Variants in TMC1 observed in about 807,000 individuals in gnomAD.
TMC1 encodes the protein transmembrane channel like 1, also known as transmembrane channel-like protein 1.
In TMC1, 84 loss-of-function variants were observed where a neutral mutation model predicts 105.8. The observed-to-expected ratio is 0.79, with a 90% CI of 0.67 to 0.95. The LOEUF (loss-of-function observed/expected upper bound fraction) is 0.95. Ranked by LOEUF, TMC1 falls within the 40% of genes least tolerant of loss-of-function variation. The pLI is 0.00. For synonymous variants in TMC1, 315 were observed against 311.5 expected, an observed-to-expected ratio of 1.01 and a Z score of -0.12; for missense variants, 817 against 914.1, an observed-to-expected ratio of 0.89 and a Z score of 1.37.
At chr9:72,610,674 A>G in intron 2 of TMC1, among the ~76,000 whole-genome samples, 1 of 152,168 alleles carries the variant, frequency 6.6e-6, no homozygotes. Context: ...AAACACCCTC[A>G]CAGACACACC....
chr9:72,762,814 C>G (rs1269071194), intron 12 of TMC1, among the ~76,000 whole-genome samples: 1 of 152,146 alleles, frequency 6.6e-6, no homozygotes, highest in Admixed American at 6.5e-5. Flanking sequence ...AGGGCTCTGT[C>G]CCTTATTTAC....
At chr9:72,621,981 T>TGGCCAAG (rs1825258848) in intron 3 of TMC1, among the ~76,000 whole-genome samples, 2 of 152,180 alleles carry the variant, frequency 1.3e-5, no homozygotes, top group African/African-American at 4.8e-5. Context: ...CAGATATCAG[T>TGGCCAAG]TTATGTCTCT....
At chr9:72,826,795 C>T in intron 20 of TMC1, 74 bp from the exon 21 acceptor site, 1 of 1,511,996 alleles carries the variant, frequency 6.6e-7, no homozygotes, top group Non-Finnish European at 9.2e-7. Flanking sequence ...GAAAGATTTC[C>T]AGTTTTCTTG....
chr9:72,792,046 T>C lies in TMC1; in HGVS notation c.1385T>C (p.Met462Thr), dbSNP rs755457390. ...GNLYVFILAL[M>T]DEINNKIEEE... is the part of the protein sequence containing the mutation. Reference sequence around the variant, plus strand: ...TTATACGTATTTATTCTTGCATTAATGGATGAGATTAACAACAAGGTAAGC... The same window carrying C: ...TTATACGTATTTATTCTTGCATTAACGGATGAGATTAACAACAAGGTAAGC... The change falls in exon 16 of 24, where the codon ATG becomes ACG. Residue 462 changes from methionine (M) to threonine (T), a missense_variant. By Grantham distance (81) the Met-to-Thr change is moderately conservative. Coordinates refer to ENST00000297784, the MANE Select transcript of TMC1 (RefSeq NM_138691.3). 12 of 1,614,036 alleles carry C rather than the reference T, an allele frequency of 7.4e-6. No individual in the cohort carries two copies. The highest frequency in any genetic ancestry group is 5.9e-6 in the Non-Finnish European group (7 of 1,180,030).
At chr9:72,538,394 CT>C (rs1823619602) in intron 1 of TMC1, among the ~76,000 whole-genome samples, 45 of 143,778 alleles carry the variant, frequency 3.1e-4, no homozygotes, top group African/African-American at 1.1e-3. Flanking sequence ...GGATAAAATA[CT>C]TGTATTGTAT....
intron 20 of TMC1, among the ~76,000 whole-genome samples, chr9:72,826,423 G>T (rs532478677): frequency 6.6e-6 from 1 of 152,178 alleles, no homozygotes; most frequent in African/African-American, 2.4e-5. Flanking sequence ...AAGCTATTGC[G>T]TGGAAAGAGA....
chr9:72,641,438 A>AT (rs1825625257), intron 4 of TMC1, among the ~76,000 whole-genome samples: 2 of 152,228 alleles, frequency 1.3e-5, no homozygotes, highest in Non-Finnish European at 2.9e-5. Flanking sequence ...ACTGTGTCAA[A>AT]AACAGTCCTC....
In TMC1 at chr9:72,694,726, C is replaced by A; in HGVS notation, c.236+12C>A. 6.3e-7 allele frequency: 1 copy of A among 1,598,924 alleles called. No individual in the cohort carries two copies. Among genetic ancestry groups the A allele is most frequent in the East Asian group, 2.3e-5 (1 of 43,948 alleles). On this transcript the variant is annotated intron_variant, in intron 7 of 23. Transcript: ENST00000297784. ...CTAAAGAGAGGAGCGTAAGTTAGTT[C>A]TGATATTCTTTCAAAAGTTCCAATG...
intron 12 of TMC1, among the ~76,000 whole-genome samples, chr9:72,764,618 G>A (rs1827803207): frequency 6.6e-6 from 1 of 152,122 alleles, no homozygotes; most frequent in South Asian, 2.1e-4. Flanking sequence ...CCACGTTACT[G>A]TCTTGGATGA....
At chr9:72,767,345 G>A (rs1276038625) in intron 12 of TMC1, among the ~76,000 whole-genome samples, 2 of 152,100 alleles carry the variant, frequency 1.3e-5, no homozygotes, top group African/African-American at 2.4e-5. Context: ...ATCATCCTGG[G>A]GATAGAGTGT....
intron 13 of TMC1, among the ~76,000 whole-genome samples, chr9:72,787,699 TA>T (rs1180120200): frequency 2.0e-5 from 3 of 150,836 alleles, no homozygotes; most frequent in South Asian, 2.1e-4. Flanking sequence ...AATTACTGAT[TA>T]AAAATATATA....
At chr9:72,631,170 A>G (rs993182945) in intron 4 of TMC1, among the ~76,000 whole-genome samples, 1 of 152,122 alleles carries the variant, frequency 6.6e-6, no homozygotes, top group Non-Finnish European at 1.5e-5. Flanking sequence ...TGAGCACCAC[A>G]CCCGGCCCAT....
At chr9:72,564,065 A>G (rs1294851889) in intron 1 of TMC1, among the ~76,000 whole-genome samples, 1 of 152,146 alleles carries the variant, frequency 6.6e-6, no homozygotes, top group Non-Finnish European at 1.5e-5. Context: ...AATCACACAT[A>G]TCACTTGTGG....
rs540880217 is a variant in TMC1 at position 72,538,945 on chromosome 9, A to T, written c.-428+17032A>T. 4.6e-5 allele frequency among the ~76,000 whole-genome samples: 7 copies of T among 152,244 alleles called. 1 individual carries two copies. The highest frequency in any genetic ancestry group is 4.6e-4 in the Admixed American group (7 of 15,282). On this transcript the variant is annotated intron_variant, in intron 1 of 23. Transcript: ENST00000297784. ...AATAAGGCATGTTGGGTACCCTCTCATCTTGCTATGGCATGAGCTAGTTTT... is the reference window on the plus strand; with the variant it reads ...AATAAGGCATGTTGGGTACCCTCTCTTCTTGCTATGGCATGAGCTAGTTTT...
intron 4 of TMC1, among the ~76,000 whole-genome samples, chr9:72,629,845 C>G (rs1825417296): frequency 6.6e-6 from 1 of 151,908 alleles, no homozygotes; most frequent in South Asian, 2.1e-4. Flanking sequence ...TATTTTCCTT[C>G]TGTTTTGGGG....
At chr9:72,772,107 C>T (rs910958149) in intron 12 of TMC1, among the ~76,000 whole-genome samples, 4 of 152,118 alleles carry the variant, frequency 2.6e-5, no homozygotes, top group Admixed American at 6.5e-5. Flanking sequence ...AATGATACCA[C>T]GAAATGTGTT....
rs111885470 is a variant in TMC1, at chr9:72,668,228, G to C, written c.16+19564G>C. ...TATTTAATGATCACAACATTCCTAT[G>C]ATGTTATTTGTTTTCATAATTTGTT... On this transcript the variant is annotated intron_variant, in intron 5 of 23. Coordinates refer to ENST00000297784, the MANE Select transcript of TMC1 (RefSeq NM_138691.3). Among the ~76,000 whole-genome samples, 387 of 152,282 alleles carry C rather than the reference G, an allele frequency of 2.5e-3. 1 individual carries two copies. The highest frequency in any genetic ancestry group is 8.8e-3 in the African/African-American group (366 of 41,560).
intron 18 of TMC1, among the ~76,000 whole-genome samples, chr9:72,809,939 G>C (rs1217598981): frequency 6.6e-6 from 1 of 151,048 alleles, no homozygotes; most frequent in East Asian, 1.9e-4. Context: ...GAAAGTGTGT[G>C]TGTGTTTGTG....
At position 72,706,730 on chromosome 9, in the gene TMC1, A is replaced by T. The variant is rs1272716745; in HGVS notation, c.362+6087A>T. On this transcript the variant is annotated intron_variant, in intron 8 of 23. Coordinates refer to ENST00000297784, the MANE Select transcript of TMC1 (RefSeq NM_138691.3). ...AGAATAATAGTCTCCAGTTGTATCCAGGTTGCTGTGAATGCCAATATTTCT... is the reference window on the plus strand; with the variant it reads ...AGAATAATAGTCTCCAGTTGTATCCTGGTTGCTGTGAATGCCAATATTTCT... Among the ~76,000 whole-genome samples, 3 of 151,830 alleles carry T rather than the reference A, an allele frequency of 2.0e-5. No individual in the cohort carries two copies. The East Asian group carries it at 5.8e-4, about 29-fold the overall frequency.
Sources: gnomAD v4.1 joint callset for allele counts (sites outside exome capture counted in the v4.1 genomes callset) on GRCh38, gnomAD v4.1.1 for gene constraint, MANE v1.5 for transcripts, NCBI Gene and HGNC (gene_info 2026-07-23, HGNC 2026-07-21) for gene names.